Variants in SPATA31D1 observed in about 807,000 individuals in gnomAD.
SPATA31D1 encodes the protein spermatogenesis-associated protein 31D1.
SPATA31D1 carries 6 observed loss-of-function variants against 13.2 expected under a neutral mutation model. The observed-to-expected ratio is 0.46, with a 90% confidence interval of 0.25 to 0.90. SPATA31D1 has a LOEUF of 0.90. Among genes scored for constraint, SPATA31D1 ranks in the 40% least tolerant of loss-of-function variants. SPATA31D1 has a pLI of 0.18. For missense variants in SPATA31D1, 2,445 were observed against 1,884.7 expected, an observed-to-expected ratio of 1.30 and a Z score of -5.50; for synonymous variants, 903 against 718.8, an observed-to-expected ratio of 1.26 and a Z score of -4.10.
Position 81,995,125 on chromosome 9 carries a change from G to T in SPATA31D1, c.4655G>T (p.Ser1552Ile), listed in dbSNP as rs762024850. Residue 1552 changes from serine (S) to isoleucine (I), a missense_variant, in exon 4 of 4, where the codon AGT becomes ATT. Transcript: ENST00000344803. ...ACCAGTGCTAAAAGCCCTGTGTTTA[G>T]TGATGTGCCTTTCCTAACTGGACAG... ...VPTSAKSPVFSDVPFLTGQKM... is the reference protein window; with the variant it reads ...VPTSAKSPVFIDVPFLTGQKM... 7.5e-6 allele frequency: 12 copies of T among 1,604,044 alleles called. No individual in the cohort carries two copies. The highest frequency in any genetic ancestry group is 1.0e-5 in the Non-Finnish European group (12 of 1,174,888).
Position 81,993,443 on chromosome 9 carries a change from A to G in SPATA31D1, c.2973A>G (p.Ser991=). The G allele has an allele frequency of 6.2e-7, 1 of 1,613,762 alleles. No individual in the cohort carries two copies. Among genetic ancestry groups the G allele is most frequent in the Non-Finnish European group, 8.5e-7 (1 of 1,179,824 alleles). The change falls in exon 4 of 4, where the codon TCA becomes TCG. Residue 991 remains serine (S), a synonymous_variant. Transcript: ENST00000344803. ...PILDRPHPVS[S]PVVQEGQGTL... ...TTGATCGTCCTCACCCTGTCTCCTC[A>G]CCTGTCGTCCAAGAAGGGCAGGGGA...
In SPATA31D1 at chr9:81,994,713, G is replaced by C; in HGVS notation, c.4243G>C (p.Glu1415Gln). ...IRKDTREFLE[E>Q]KLGHRHGIDI... ...GAAAGACACTAGGGAGTTCCTAGAAGAGAAGCTGGGGCATAGGCATGGGAT... is the reference window on the plus strand; with the variant it reads ...GAAAGACACTAGGGAGTTCCTAGAACAGAAGCTGGGGCATAGGCATGGGAT... Residue 1415 changes from glutamate (E) to glutamine (Q), a missense_variant, in exon 4 of 4, where the codon GAG (glutamate) becomes CAG (glutamine). Physicochemically the swap from Glu to Gln is conservative, Grantham distance 29. Coordinates refer to ENST00000344803, the MANE Select transcript of SPATA31D1 (RefSeq NM_001001670.3). 6.2e-7 allele frequency: 1 copy of C among 1,613,878 alleles called. No individual in the cohort carries two copies.
rs375193218 is a variant in SPATA31D1 at position 81,990,427 on chromosome 9, C to T, written c.243C>T (p.Asp81=). ...RKGGTFKGFP[D]WKSFQREEEE... is the part of the protein sequence containing the mutation. ...TAACATACTATTCAGGTTTCCCAGACTGGAAAAGTTTCCAGAGAGAAGAGG... is the reference window on the plus strand; with the variant it reads ...TAACATACTATTCAGGTTTCCCAGATTGGAAAAGTTTCCAGAGAGAAGAGG... The change falls in exon 3 of 4, where the codon GAC becomes GAT. Residue 81 remains aspartate, a synonymous_variant. Coordinates refer to ENST00000344803, the MANE Select transcript of SPATA31D1 (RefSeq NM_001001670.3). 3 of 1,606,600 alleles carry T rather than the reference C, an allele frequency of 1.9e-6. No individual in the cohort carries two copies. In the African/African-American group the frequency reaches 4.0e-5, roughly 21 times the overall value.
rs566941567 is a variant in SPATA31D1 at position 81,990,347 on chromosome 9, G to A, written c.233-70G>A. On this transcript the variant is annotated intron_variant, in intron 2 of 3. Transcript: ENST00000344803. The stretch of plus-strand genomic sequence containing the variant: ...GGCTCTCAGAGTTTAATATCCCAAG[G>A]GTCTTCCACAGATTGACTTCTGTAT... 5.5e-5 allele frequency: 64 copies of A among 1,153,964 alleles called. 1 individual carries two copies. The Admixed American group carries it at 9.0e-4, about 16-fold the overall frequency. The allele number at this position is 1,153,964 out of a possible 1,614,324, so 71.5% of individuals were successfully genotyped here.
At chr9:81,987,954 C>T (rs1824883994), upstream of SPATA31D1, among the ~76,000 whole-genome samples, 2 of 152,180 alleles carry the variant, frequency 1.3e-5, no homozygotes, top group African/African-American at 4.8e-5. Context: ...AACCAACTCC[C>T]CACAAATGTG....
rs1252677406 is a variant in SPATA31D1 at position 81,993,628 on chromosome 9, C to T, written c.3158C>T (p.Thr1053Ile). The T allele has an allele frequency of 1.9e-6, 3 of 1,614,028 alleles. No homozygotes were observed. The highest frequency in any genetic ancestry group is 2.2e-5 in the South Asian group (2 of 91,088). ...FPILGHSYLVTSPVNQEKQGT... is the reference protein window; with the variant it reads ...FPILGHSYLVISPVNQEKQGT... ...ATCCTCGGTCATTCTTACCTTGTCACTTCACCTGTCAACCAAGAAAAGCAG... is the reference window on the plus strand; with the variant it reads ...ATCCTCGGTCATTCTTACCTTGTCATTTCACCTGTCAACCAAGAAAAGCAG... The change falls in exon 4 of 4, where the codon ACT (threonine) becomes ATT (isoleucine). Residue 1053 changes from threonine to isoleucine, a missense_variant. By Grantham distance (89) the Thr-to-Ile change is moderately conservative. Transcript: ENST00000344803.
Position 81,994,059 on chromosome 9 carries a change from T to A in SPATA31D1, c.3589T>A (p.Ser1197Thr), listed in dbSNP as rs1162990337. ...AATATCAGTTCCTCAAGATCCTAAA[T>A]CATCATACCTTAAAAATCAGATGTT... Reference protein sequence around the residue: ...PRISVPQDPKSSYLKNQMLSQ... With the variant: ...PRISVPQDPKTSYLKNQMLSQ... Residue 1197 changes from serine (S) to threonine (T), a missense_variant, in exon 4 of 4, where the codon TCA becomes ACA. Transcript: ENST00000344803. 1 of 1,613,816 alleles carries A rather than the reference T, an allele frequency of 6.2e-7. No individual in the cohort carries two copies. Among genetic ancestry groups the A allele is most frequent in the Non-Finnish European group, 8.5e-7 (1 of 1,179,762 alleles).
rs1442433695 is a variant in SPATA31D1, at chr9:81,993,638, C to T, written c.3168C>T (p.Val1056=). Residue 1056 remains valine (V), a synonymous_variant, in exon 4 of 4, where the codon GTC becomes GTT. Transcript: ENST00000344803. ...LGHSYLVTSP[V]NQEKQGTLRR... ...ATTCTTACCTTGTCACTTCACCTGT[C>T]AACCAAGAAAAGCAGGGGACCCTGA... 8.1e-6 allele frequency: 13 copies of T among 1,613,846 alleles called. No homozygotes were observed. The highest frequency in any genetic ancestry group is 8.5e-7 in the Non-Finnish European group (1 of 1,179,886).
In SPATA31D1 at chr9:81,994,735, G is replaced by A. The variant is rs749059768; in HGVS notation, c.4265G>A (p.Gly1422Glu). The A allele has an allele frequency of 6.2e-7, 1 of 1,613,908 alleles. No homozygotes were observed. Among genetic ancestry groups the A allele is most frequent in the Admixed American group, 1.7e-5 (1 of 60,006 alleles). ...FLEEKLGHRH[G>E]IDITCPQEPL... ...GAAGAGAAGCTGGGGCATAGGCATG[G>A]GATAGATATCACCTGTCCCCAAGAG... The change falls in exon 4 of 4, where the codon GGG (glycine) becomes GAG (glutamate). Residue 1422 changes from glycine (G) to glutamate (E), a missense_variant. Transcript: ENST00000344803.
In SPATA31D1 at chr9:81,991,775, A is replaced by G. The variant is rs376998792; in HGVS notation, c.1305A>G (p.Pro435=). The change falls in exon 4 of 4, where the codon CCA becomes CCG. Residue 435 remains proline (P), a synonymous_variant. Transcript: ENST00000344803. ...TGTGGAAAGAAAATGGAAAGAAACC[A>G]GGATCATTCCCAAAACAACTTAGGC... ...FLMWKENGKK[P]GSFPKQLRPN... The G allele has an allele frequency of 6.1e-5, 99 of 1,613,828 alleles. No homozygotes were observed. The African/African-American group carries it at 9.2e-4, about 15-fold the overall frequency.
intron 3 of SPATA31D1, 96 bp downstream of exon 3, chr9:81,990,582 T>C: frequency 7.1e-7 from 1 of 1,399,094 alleles, no homozygotes; most frequent in East Asian, 2.5e-5. Context: ...CCTGCTGTAG[T>C]TTTGGGAGTG....
Position 81,994,053 on chromosome 9 carries a change from C to T in SPATA31D1, c.3583C>T (p.Pro1195Ser), listed in dbSNP as rs781192630. Residue 1195 changes from proline (P) to serine (S), a missense_variant, in exon 4 of 4, where the codon CCT (proline) becomes TCT (serine). Pro to Ser is a moderately conservative substitution (Grantham distance 74, BLOSUM62 -1). Coordinates refer to ENST00000344803, the MANE Select transcript of SPATA31D1 (RefSeq NM_001001670.3). ...ACCAAGAATATCAGTTCCTCAAGAT[C>T]CTAAATCATCATACCTTAAAAATCA... ...FPPRISVPQD[P>S]KSSYLKNQML... 1 of 1,613,764 alleles carries T rather than the reference C, an allele frequency of 6.2e-7. No individual in the cohort carries two copies.
chr9:81,992,917 A>C lies in SPATA31D1; in HGVS notation c.2447A>C (p.Asp816Ala). The change falls in exon 4 of 4, where the codon GAC (aspartate) becomes GCC (alanine). Residue 816 changes from aspartate (D) to alanine (A), a missense_variant. Asp to Ala is a moderately radical substitution (Grantham distance 126, BLOSUM62 -2). Transcript: ENST00000344803. ...CATATGATGCATCTGTCAGGGAATGACTCAGGGGTGAGACTAGGTCAGAAA... is the reference window on the plus strand; with the variant it reads ...CATATGATGCATCTGTCAGGGAATGCCTCAGGGGTGAGACTAGGTCAGAAA... ...ETHMMHLSGN[D>A]SGVRLGQKQL... 6.2e-7 allele frequency: 1 copy of C among 1,613,738 alleles called. No individual in the cohort carries two copies.
At position 81,995,010 on chromosome 9, in the gene SPATA31D1, C is replaced by T; in HGVS notation, c.4540C>T (p.His1514Tyr). 1 of 1,613,956 alleles carries T rather than the reference C, an allele frequency of 6.2e-7. No homozygotes were observed. The highest frequency in any genetic ancestry group is 8.5e-7 in the Non-Finnish European group (1 of 1,179,874). ...TAAGGGGAAGATACTGTGTCAAAGC[C>T]ATCCCCAATCCATGCCCCACAGGAA... Reference protein sequence around the residue: ...AFKGKILCQSHPQSMPHRKPV... With the variant: ...AFKGKILCQSYPQSMPHRKPV... The change falls in exon 4 of 4, where the codon CAT becomes TAT. Residue 1514 changes from histidine to tyrosine, a missense_variant. His to Tyr is a moderately conservative substitution (Grantham distance 83). Coordinates refer to ENST00000344803, the MANE Select transcript of SPATA31D1 (RefSeq NM_001001670.3).
chr9:81,991,789 A>T lies in SPATA31D1; in HGVS notation c.1319A>T (p.Lys440Ile). 1 of 1,613,758 alleles carries T rather than the reference A, an allele frequency of 6.2e-7. No homozygotes were observed. Among genetic ancestry groups the T allele is most frequent in the Non-Finnish European group, 8.5e-7 (1 of 1,179,730 alleles). ...ENGKKPGSFP[K>I]QLRPNYQLNS... ...GGAAAGAAACCAGGATCATTCCCAA[A>T]ACAACTTAGGCCAAACTACCAACTA... is the stretch of plus-strand genomic sequence containing the variant. The change falls in exon 4 of 4, where the codon AAA (lysine) becomes ATA (isoleucine). Residue 440 changes from lysine to isoleucine, a missense_variant. Coordinates refer to ENST00000344803, the MANE Select transcript of SPATA31D1 (RefSeq NM_001001670.3).
rs762821103 is a variant in SPATA31D1, at chr9:81,988,870, C to T, written c.52C>T (p.Pro18Ser). ...LNSYTETGLS[P>S]DSHWLDIDPN... ...CAGCTATACTGAGACAGGGCTGAGC[C>T]CTGACTCACATTGGTTGGATATCGA... The change falls in exon 1 of 4, where the codon CCT becomes TCT. Residue 18 changes from proline (P) to serine (S), a missense_variant. Pro to Ser is a moderately conservative substitution (Grantham distance 74). Transcript: ENST00000344803. 27 of 1,612,776 alleles carry T rather than the reference C, an allele frequency of 1.7e-5. No homozygotes were observed. Among genetic ancestry groups the T allele is most frequent in the South Asian group, 8.8e-5 (8 of 91,036 alleles).
chr9:81,993,881 A>G lies in SPATA31D1; in HGVS notation c.3411A>G (p.Val1137=), dbSNP rs545307550. 1.2e-6 allele frequency: 2 copies of G among 1,613,920 alleles called. No individual in the cohort carries two copies. The highest frequency in any genetic ancestry group is 3.3e-5 in the Admixed American group (2 of 60,008). The change falls in exon 4 of 4, where the codon GTA becomes GTG. Residue 1137 remains valine (V), a synonymous_variant. Transcript: ENST00000344803. The stretch of plus-strand genomic sequence containing the variant: ...AGAGAAAGAGTTCCTTTCATAATGT[A>G]GACAGGCTTCAGGGCAGTAGAAAGA... ...WDKRKSSFHN[V]DRLQGSRKTF... is the part of the protein sequence containing the mutation.
In SPATA31D1 at chr9:81,995,176, G is replaced by A; in HGVS notation, c.4706G>A (p.Gly1569Glu). 6.5e-7 allele frequency: 1 copy of A among 1,536,854 alleles called. No individual in the cohort carries two copies. Among genetic ancestry groups the A allele is most frequent in the Non-Finnish European group, 8.8e-7 (1 of 1,139,230 alleles). ...AAAATGCTTCCAAAGCATTTACAGG[G>A]AGGAAAATTTCCCCCCACAAAATAA... ...GQKMLPKHLQGGKFPPTK is the reference protein window; with the variant it reads ...GQKMLPKHLQEGKFPPTK The change falls in exon 4 of 4, where the codon GGA becomes GAA. Residue 1569 changes from glycine to glutamate, a missense_variant. Coordinates refer to ENST00000344803, the MANE Select transcript of SPATA31D1 (RefSeq NM_001001670.3).
intron 3 of SPATA31D1, 94 bp from the exon 4 acceptor site, chr9:81,990,679 G>C: frequency 6.8e-7 from 1 of 1,475,820 alleles, no homozygotes; most frequent in Non-Finnish European, 9.2e-7. Context: ...TGAGGTCCTG[G>C]GTTGGGGGCA....
Sources: allele counts gnomAD v4.1 joint callset (sites outside exome capture counted in the v4.1 genomes callset), GRCh38; gene constraint gnomAD v4.1.1; transcripts MANE v1.5; gene names NCBI Gene and HGNC (gene_info 2026-07-23, HGNC 2026-07-21).